Variants in SYNE2 observed in about 807,000 individuals in gnomAD.
The protein encoded by SYNE2 is nesprin-2.
SYNE2 carries 431 observed loss-of-function variants against 856.3 expected under a neutral mutation model. The ratio of observed to expected loss-of-function variants is 0.50; its 90% CI spans 0.47 to 0.55. The LOEUF (loss-of-function observed/expected upper bound fraction) is 0.55. SYNE2 is among the 20% of genes least tolerant of loss of function. SYNE2 has a pLI of 0.00. For synonymous variants in SYNE2, 2,923 were observed against 2,872.3 expected (o/e 1.02, Z -0.56); for missense variants, 8,129 against 8,023.2 (o/e 1.01, Z -0.50).
rs2153576458 is a variant in SYNE2, at chr14:64,052,108, T to G, written c.8195T>G (p.Ile2732Arg). 6.2e-7 allele frequency: 1 copy of G among 1,614,158 alleles called. No individual in the cohort carries two copies. Among genetic ancestry groups the G allele is most frequent in the Non-Finnish European group, 8.5e-7 (1 of 1,180,024 alleles). The change falls in exon 48 of 116, where the codon ATA (isoleucine) becomes AGA (arginine). Residue 2732 changes from isoleucine to arginine, a missense_variant. Physicochemically the swap from Ile to Arg is moderately conservative, Grantham distance 97. Around this residue, in one of 3 missense-constraint regions of SYNE2, gnomAD observed 5,410 missense variants for 5,284.8 expected, o/e 1.02. Coordinates refer to ENST00000555002, the MANE Select transcript of SYNE2 (RefSeq NM_182914.3). ...EAENQIKKCD[I>R]RNKMKETILW... ...GAAAATCAGATTAAGAAGTGTGACA[T>G]AAGGAACAAGATGAAAGAGACTATC...
intron 83 of SYNE2, among the ~76,000 whole-genome samples, chr14:64,144,923 CTTTTT>C (rs573628737): frequency 8.6e-6 from 1 of 116,190 alleles, no homozygotes; most frequent in Non-Finnish European, 1.8e-5. Flanking sequence ...ATTGGGGCAG[CTTTTT>C]TTTTTTTTTT....
chr14:64,090,729 C>CT, intron 59 of SYNE2, 137 bp from the exon 60 acceptor site: 1 of 809,478 alleles, frequency 1.2e-6, no homozygotes, highest in Non-Finnish European at 1.9e-6. Flanking sequence ...TATAATAGTT[C>CT]TTTTCAATCT....
At chr14:64,151,099 T>A (rs1300341686) in intron 84 of SYNE2, among the ~76,000 whole-genome samples, 1 of 152,170 alleles carries the variant, frequency 6.6e-6, no homozygotes, top group African/African-American at 2.4e-5. Flanking sequence ...CATTCTCTCA[T>A]CATCCGTTCT....
chr14:63,996,520 T>A (rs12879623), intron 23 of SYNE2, among the ~76,000 whole-genome samples: 63,191 of 151,686 alleles, frequency 0.42, 13,835 homozygotes, highest in African/African-American at 0.55. Flanking sequence ...CCACTGGAGT[T>A]CTGGTCCTTT....
rs563277479 is a variant in SYNE2, at chr14:63,987,430, A to G, written c.2313+813A>G. Among the ~76,000 whole-genome samples the G allele has an allele frequency of 3.3e-5, 5 of 152,298 alleles. No individual in the cohort carries two copies. In the East Asian group the frequency reaches 7.7e-4, roughly 23 times the overall value. On this transcript the variant is annotated intron_variant, in intron 19 of 115. Coordinates refer to ENST00000555002, the MANE Select transcript of SYNE2 (RefSeq NM_182914.3). ...AGGCAGTGAGGCAAGAGTGTGTCTT[A>G]ATATCACTTAGTTCTCCTGGGAGTT...
intron 1 of SYNE2, among the ~76,000 whole-genome samples, chr14:63,772,044 G>T (rs1886935797): frequency 6.6e-6 from 1 of 152,164 alleles, no homozygotes; most frequent in African/African-American, 2.4e-5. Flanking sequence ...TATAGAGCAT[G>T]ATTCCATTAT....
At chr14:63,815,792 C>G (rs1888956707) in intron 1 of SYNE2, among the ~76,000 whole-genome samples, 1 of 152,040 alleles carries the variant, frequency 6.6e-6, no homozygotes, top group African/African-American at 2.4e-5. Context: ...ACTATGATAC[C>G]ACCACAACAC....
chr14:64,013,807 C>G (rs2096867196), intron 32 of SYNE2, among the ~76,000 whole-genome samples: 2 of 151,956 alleles, frequency 1.3e-5, no homozygotes, highest in South Asian at 4.2e-4. Context: ...TTAAATTAGC[C>G]TTTATTTTGA....
chr14:63,908,929 A>T (rs1354878503), intron 1 of SYNE2, among the ~76,000 whole-genome samples, 169 bp from the exon 2 acceptor site: 1 of 152,268 alleles, frequency 6.6e-6, no homozygotes, highest in African/African-American at 2.4e-5. Context: ...ATTATGATTC[A>T]AAAAGAAGGC....
chr14:64,129,143 TC>T (rs2097983472), intron 74 of SYNE2, among the ~76,000 whole-genome samples: 2 of 107,814 alleles, frequency 1.9e-5, no homozygotes, highest in African/African-American at 9.9e-5. Flanking sequence ...CCCATCTCTA[TC>T]GAAAATACAA....
At chr14:63,843,835 G>A (rs576805205) in intron 1 of SYNE2, among the ~76,000 whole-genome samples, 1 of 152,170 alleles carries the variant, frequency 6.6e-6, no homozygotes. Context: ...AGATTCACCT[G>A]GGTCATAAAG....
In SYNE2 at chr14:64,096,804, G is replaced by A. The variant is rs1243497560; in HGVS notation, c.12109-1145G>A. Among the ~76,000 whole-genome samples, 8 of 152,150 alleles carry A rather than the reference G, an allele frequency of 5.3e-5. No homozygotes were observed. The South Asian group carries it at 1.4e-3, about 28-fold the overall frequency. On this transcript the variant is annotated intron_variant, in intron 61 of 115. Transcript: ENST00000555002. ...TCTCTTGCAGGTGGAGACAGATTAC[G>A]TTTCTCTGTTTTGTAAGAAAATTAT...
At chr14:63,875,854 G>T (rs1329162387) in intron 1 of SYNE2, among the ~76,000 whole-genome samples, 2 of 152,196 alleles carry the variant, frequency 1.3e-5, no homozygotes, top group Non-Finnish European at 2.9e-5. Flanking sequence ...TGCCCAGGTG[G>T]AAGAGCCTGC....
rs2098662121 is a variant in SYNE2, at chr14:64,215,505, T to C, written c.19402+151T>C. 5 of 823,490 alleles carry C rather than the reference T, an allele frequency of 6.1e-6. No individual in the cohort carries two copies. In the East Asian group the frequency reaches 1.3e-4, roughly 21 times the overall value. The allele number at this position is 823,490 out of a possible 1,614,324, so 51.0% of individuals were successfully genotyped here. On this transcript the variant is annotated intron_variant, in intron 107 of 115. Transcript: ENST00000555002. The stretch of plus-strand genomic sequence containing the variant: ...TCATGGTGTATTTACACTGCCGTAC[T>C]CACCCATAACTGCGTGCTCCTTACA...
At chr14:64,176,330 C>T (rs534400804) in intron 95 of SYNE2, among the ~76,000 whole-genome samples, 23 of 152,276 alleles carry the variant, frequency 1.5e-4, no homozygotes, top group Middle Eastern at 3.4e-3. Flanking sequence ...TCATTTTTCT[C>T]TGAGCCTTAG....
intron 1 of SYNE2, among the ~76,000 whole-genome samples, chr14:63,869,619 A>T (rs994816235): frequency 7.1e-6 from 1 of 140,726 alleles, no homozygotes; most frequent in Non-Finnish European, 1.5e-5. Flanking sequence ...CTGGGCAACA[A>T]GAGCGAAACT....
At chr14:63,851,024 C>G (rs570982568), upstream of SYNE2, among the ~76,000 whole-genome samples, 2 of 152,150 alleles carry the variant, frequency 1.3e-5, no homozygotes, top group Non-Finnish European at 2.9e-5. Context: ...AATTGGCTCT[C>G]CAGCTTGCAA....
intron 57 of SYNE2, among the ~76,000 whole-genome samples, chr14:64,085,787 C>G (rs1019114904): frequency 2.6e-5 from 4 of 152,078 alleles, no homozygotes; most frequent in African/African-American, 7.2e-5. Flanking sequence ...TTATTTATGT[C>G]TTTATTGGTC....
At chr14:63,915,348 A>T (rs535447104) in intron 2 of SYNE2, among the ~76,000 whole-genome samples, 96 of 152,308 alleles carry the variant, frequency 6.3e-4, no homozygotes, top group Non-Finnish European at 1.1e-3. Context: ...ACTGTTTTGG[A>T]TACTTTATTT....
Sources: gnomAD v4.1 joint callset for allele counts (sites outside exome capture counted in the v4.1 genomes callset) on GRCh38, gnomAD v4.1.1 for gene constraint, gnomAD v4.1.1 regional missense constraint, MANE v1.5 for transcripts, NCBI Gene and HGNC (gene_info 2026-07-23, HGNC 2026-07-21) for gene names.